SLC25A28: variants seen among roughly 807,000 people sequenced by gnomAD.
The protein encoded by SLC25A28 is mitoferrin-2.
A neutral mutation model predicts 31.9 loss-of-function variants in SLC25A28; 10 were observed. The observed-to-expected ratio is 0.31, with a 90% CI of 0.19 to 0.53. The LOEUF is 0.53. SLC25A28 is among the 20% of genes least tolerant of loss of function. The pLI is 0.95. For synonymous variants in SLC25A28, 208 were observed against 203.6 expected (o/e 1.02, Z -0.19); for missense variants, 256 against 490.3 (o/e 0.52, Z 4.51).
At chr10:99,633,204 T>C in the SLC25A28 span, among the ~76,000 whole-genome samples, 1 of 152,174 alleles carries the variant, frequency 6.6e-6, no homozygotes, top group Non-Finnish European at 1.5e-5. Context: ...TGTGCGTGAT[T>C]TTCCTGGCTG....
chr10:99,613,973 G>T lies in SLC25A28; in HGVS notation c.292-49C>A. On this transcript the variant is annotated intron_variant, in intron 1 of 3. Transcript: ENST00000370495. This position sits in a 1 kb window ranked among gnomAD's most constrained non-coding sequence, Gnocchi z 4.9. The stretch of plus-strand genomic sequence containing the variant: ...GCAATGTCAGCAATGCCAACTTCTC[G>T]CCCCACCTCAACACACTGGGCAGAC... 6.6e-7 allele frequency: 1 copy of T among 1,513,432 alleles called. No individual in the cohort carries two copies. Among genetic ancestry groups the T allele is most frequent in the Non-Finnish European group, 8.9e-7 (1 of 1,128,812 alleles). 93.8% of individuals were successfully genotyped at this position (1,513,432 alleles called of 1,614,324 possible).
upstream of SLC25A28, chr10:99,620,588 G>C (rs1248866683): frequency 2.0e-6 from 2 of 1,010,006 alleles, no homozygotes; most frequent in Non-Finnish European, 2.4e-6. Flanking sequence ...GCCCTGAGGC[G>C]TTGCTAGCGC....
the SLC25A28 span, among the ~76,000 whole-genome samples, chr10:99,636,277 T>C: frequency 6.6e-6 from 1 of 152,246 alleles, no homozygotes; most frequent in African/African-American, 2.4e-5. Flanking sequence ...AATCACTCTC[T>C]CAGATTACAG....
At position 99,619,213 on chromosome 10, in the gene SLC25A28, T is replaced by C. The variant is rs1021219487; in HGVS notation, c.291+832A>G. 4 of 985,420 alleles carry C rather than the reference T, an allele frequency of 4.1e-6. No homozygotes were observed. In the African/African-American group the frequency reaches 7.0e-5, roughly 17 times the overall value. 61.0% of individuals were successfully genotyped at this position (985,420 alleles called of 1,614,324 possible). A position where few individuals can be genotyped will look rare whatever the true frequency, so the allele number is the denominator to read the frequency against. ...TTTCACAAGAATCGTGTCCTCTTGT[T>C]GATCTCTTTCCATTTTCTTCATACT... is the stretch of plus-strand genomic sequence containing the variant. On this transcript the variant is annotated intron_variant, in intron 1 of 3. Coordinates refer to ENST00000370495, the MANE Select transcript of SLC25A28 (RefSeq NM_031212.4).
At chr10:99,654,657 T>TAACAAC in the SLC25A28 span, among the ~76,000 whole-genome samples, 20,514 of 150,662 alleles carry the variant, frequency 0.14, 1,603 homozygotes, top group East Asian at 0.31. Flanking sequence ...CCCATCTCAA[T>TAACAAC]AACAACAACA....
At chr10:99,648,785 C>G in the SLC25A28 span, among the ~76,000 whole-genome samples, 17 of 141,664 alleles carry the variant, frequency 1.2e-4, no homozygotes, top group East Asian at 3.6e-3. Flanking sequence ...CTACTGATTT[C>G]TGTACATTAA....
chr10:99,640,847 A>G, the SLC25A28 span, among the ~76,000 whole-genome samples: 2 of 152,116 alleles, frequency 1.3e-5, no homozygotes, highest in African/African-American at 4.8e-5. Context: ...TAGTTTGCTC[A>G]GAATGATAGT....
At position 99,620,390 on chromosome 10, in the gene SLC25A28, G is replaced by A. The variant is rs1339449947; in HGVS notation, c.-55C>T. On this transcript the variant is annotated 5_prime_UTR_variant, in exon 1 of 4. Coordinates refer to ENST00000370495, the MANE Select transcript of SLC25A28 (RefSeq NM_031212.4). The stretch of plus-strand genomic sequence containing the variant: ...CGCCGCCGCTGCCACCACTGCCGCC[G>A]CCGCCCCCCGGCCCCGTAGTGTCCG... The A allele has an allele frequency of 9.0e-6, 9 of 995,312 alleles. No individual in the cohort carries two copies. Among genetic ancestry groups the A allele is most frequent in the Non-Finnish European group, 1.1e-5 (9 of 844,834 alleles). 61.7% of individuals were successfully genotyped at this position (995,312 alleles called of 1,614,324 possible). A position where few individuals can be genotyped will look rare whatever the true frequency, so the allele number is the denominator to read the frequency against.
rs139525528 is a variant in SLC25A28, at chr10:99,617,116, G to A, written c.291+2929C>T. On this transcript the variant is annotated intron_variant, in intron 1 of 3. Transcript: ENST00000370495. The stretch of plus-strand genomic sequence containing the variant: ...CTTTACCACTTCAGAGCCAACAACA[G>A]CAGCTTGATGATAGGTGGGTACTTC... 1.7e-5 allele frequency: 17 copies of A among 985,402 alleles called. No homozygotes were observed. The East Asian group carries it at 1.1e-3, about 66-fold the overall frequency. 61.0% of individuals were successfully genotyped at this position (985,402 alleles called of 1,614,324 possible).
intron 1 of SLC25A28, chr10:99,618,123 A>G (rs1034275746): frequency 5.8e-6 from 2 of 345,758 alleles, no homozygotes; most frequent in Non-Finnish European, 8.1e-6. Context: ...AATCAATTCC[A>G]TCTTGTCACA....
chr10:99,636,408 T>C, the SLC25A28 span, among the ~76,000 whole-genome samples: 4 of 152,182 alleles, frequency 2.6e-5, no homozygotes, highest in South Asian at 6.2e-4. Flanking sequence ...TTAAAAATTC[T>C]TCAAACTCAA....
chr10:99,621,280 G>A (rs1261897201), upstream of SLC25A28: 1 of 152,604 alleles, frequency 6.6e-6, no homozygotes, highest in Non-Finnish European at 1.5e-5. Context: ...AACCCAACAA[G>A]TGTTGAATGA....
chr10:99,642,045 T>C, the SLC25A28 span, among the ~76,000 whole-genome samples: 5 of 151,898 alleles, frequency 3.3e-5, no homozygotes, highest in Non-Finnish European at 4.4e-5. Flanking sequence ...GACTTGGCAA[T>C]GTGGGCTCTT....
At chr10:99,632,968 A>G in the SLC25A28 span, among the ~76,000 whole-genome samples, 1 of 152,204 alleles carries the variant, frequency 6.6e-6, no homozygotes, top group African/African-American at 2.4e-5. Flanking sequence ...ATCATCTTTG[A>G]CATACAAAAA....
At chr10:99,635,009 C>T in the SLC25A28 span, among the ~76,000 whole-genome samples, 2 of 152,188 alleles carry the variant, frequency 1.3e-5, no homozygotes, top group African/African-American at 4.8e-5. Context: ...TCAAACAAAA[C>T]AATTATCAGC....
chr10:99,616,756 G>T (rs1444787453), intron 1 of SLC25A28: 1 of 983,276 alleles, frequency 1.0e-6, no homozygotes, highest in African/African-American at 1.7e-5. Context: ...GATACACTGA[G>T]TTCAAATCAT....
chr10:99,620,288 C>G lies in SLC25A28; in HGVS notation c.48G>C (p.Ala16=). Residue 16 remains alanine (A), a synonymous_variant, in exon 1 of 4, where the codon GCG becomes GCC. Transcript: ENST00000370495. ...CCCCGGGGCTCCGCCCGGGCCCTGC[C>G]GCCGGCCCCCCCGCCACACCGCCAG... is the stretch of plus-strand genomic sequence containing the variant. The part of the protein sequence containing the change: ...RGAGGVAGGP[A]AGPGRSPGES... 1 of 1,187,628 alleles carries G rather than the reference C, an allele frequency of 8.4e-7. No individual in the cohort carries two copies. The highest frequency in any genetic ancestry group is 1.0e-6 in the Non-Finnish European group (1 of 959,778). 73.6% of individuals were successfully genotyped at this position (1,187,628 alleles called of 1,614,324 possible).
At chr10:99,637,367 G>A in the SLC25A28 span, among the ~76,000 whole-genome samples, 2 of 152,176 alleles carry the variant, frequency 1.3e-5, no homozygotes, top group African/African-American at 2.4e-5. Context: ...CATTCCCTCT[G>A]AGAACTGGAG....
chr10:99,617,750 T>G (rs932240477), intron 1 of SLC25A28: 1 of 985,382 alleles, frequency 1.0e-6, no homozygotes, highest in Non-Finnish European at 1.2e-6. Flanking sequence ...TGACAACTCC[T>G]GAGCATTTTT....
Sources: gnomAD v4.1 joint callset for allele counts (sites outside exome capture counted in the v4.1 genomes callset) on GRCh38, gnomAD v4.1.1 for gene constraint, Gnocchi (gnomAD v3.1) non-coding constraint, MANE v1.5 for transcripts, NCBI Gene and HGNC (gene_info 2026-07-23, HGNC 2026-07-21) for gene names.